Variants in ARHGEF10 observed in about 807,000 individuals in gnomAD.
ARHGEF10 encodes the protein Rho guanine nucleotide exchange factor 10, also known as Rho guanine nucleotide exchange factor (GEF) 10.
In ARHGEF10, 140 loss-of-function variants were observed where a neutral mutation model predicts 147.4. The ratio of observed to expected loss-of-function variants is 0.95; its 90% CI spans 0.83 to 1.09. ARHGEF10 has a LOEUF of 1.09. Ranked by LOEUF, ARHGEF10 falls within the 50% of genes least tolerant of loss-of-function variation. ARHGEF10 has a pLI of 0.00. For missense variants in ARHGEF10, 2,222 were observed against 1,752.7 expected, an observed-to-expected ratio of 1.27 and a Z score of -4.78; for synonymous variants, 902 against 695.8, an observed-to-expected ratio of 1.30 and a Z score of -4.67.
rs779899466 is a variant in ARHGEF10 at position 1,866,554 on chromosome 8, G to T, written c.574G>T (p.Ala192Ser). 26 of 1,609,544 alleles carry T rather than the reference G, an allele frequency of 1.6e-5. No homozygotes were observed. Among genetic ancestry groups the T allele is most frequent in the Non-Finnish European group, 1.9e-5 (23 of 1,179,988 alleles). ...SEDQVGREDS[A>S]LARWAADPAN... ...AGATCAAGTCGGTCGAGAGGACAGCGCACTTGCCCGCTGGGCCGCAGACCC... is the reference window on the plus strand; with the variant it reads ...AGATCAAGTCGGTCGAGAGGACAGCTCACTTGCCCGCTGGGCCGCAGACCC... Residue 192 changes from alanine (A) to serine (S), a missense_variant, in exon 6 of 29, where the codon GCA becomes TCA. Coordinates refer to ENST00000349830, the MANE Select transcript of ARHGEF10 (RefSeq NM_014629.4).
In ARHGEF10 at chr8:1,909,468, C is replaced by A. The variant is rs1440652792; in HGVS notation, c.2141C>A (p.Pro714Gln). 1.2e-5 allele frequency: 20 copies of A among 1,613,974 alleles called. No individual in the cohort carries two copies. Among genetic ancestry groups the A allele is most frequent in the Non-Finnish European group, 1.7e-5 (20 of 1,180,010 alleles). ...CTGGCCGTGGTTGCTAACGCGAAACCAAGTAAGTGATGCTTTCTCTCACGT... is the reference window on the plus strand; with the variant it reads ...CTGGCCGTGGTTGCTAACGCGAAACAAAGTAAGTGATGCTTTCTCTCACGT... ...ESLAVVANAK[P>Q]NKVYMGPGQL... Residue 714 changes from proline to glutamine, a missense_variant and splice_region_variant, in exon 18 of 29, where the codon CCA becomes CAA. By Grantham distance (76) the Pro-to-Gln change is moderately conservative. Transcript: ENST00000349830.
intron 2 of ARHGEF10, among the ~76,000 whole-genome samples, chr8:1,856,734 G>GT (rs1389419788): frequency 6.6e-6 from 1 of 152,196 alleles, no homozygotes; most frequent in Non-Finnish European, 1.5e-5. Context: ...GATTGTCTGT[G>GT]TTGGAGGGGC....
intron 4 of ARHGEF10, among the ~76,000 whole-genome samples, chr8:1,862,341 A>G (rs1806200053): frequency 6.6e-6 from 1 of 152,266 alleles, no homozygotes; most frequent in African/African-American, 2.4e-5. Flanking sequence ...CAGCTGGCCA[A>G]ACTGGGATGA....
chr8:1,832,065 T>A (rs1212493237), intron 1 of ARHGEF10, among the ~76,000 whole-genome samples: 1 of 152,136 alleles, frequency 6.6e-6, no homozygotes, highest in African/African-American at 2.4e-5. Context: ...ACTGTGGGGC[T>A]GGAGGAGCAG....
chr8:1,868,326 C>T (rs552114782), intron 6 of ARHGEF10, among the ~76,000 whole-genome samples: 2 of 152,110 alleles, frequency 1.3e-5, no homozygotes, highest in African/African-American at 4.8e-5. Context: ...GCTGAGGAAG[C>T]GGTTGTCTGT....
chr8:1,942,295 G>C (rs1814161910), intron 26 of ARHGEF10, among the ~76,000 whole-genome samples: 1 of 150,814 alleles, frequency 6.6e-6, no homozygotes, highest in Admixed American at 6.6e-5. Flanking sequence ...TTAAAGGCAA[G>C]GGAACTGAAT....
At chr8:1,943,282 A>G (rs1814257436) in intron 26 of ARHGEF10, among the ~76,000 whole-genome samples, 1 of 152,160 alleles carries the variant, frequency 6.6e-6, no homozygotes, top group Non-Finnish European at 1.5e-5. Flanking sequence ...GGGCTCAATG[A>G]CAGAAGCCAG....
chr8:1,902,393 T>G (rs28485777), intron 15 of ARHGEF10, among the ~76,000 whole-genome samples: 18,984 of 152,278 alleles, frequency 0.12, 1,292 homozygotes, highest in Middle Eastern at 0.18. Context: ...TTGGCAGCAG[T>G]GCGTCATTTT....
intron 26 of ARHGEF10, among the ~76,000 whole-genome samples, chr8:1,939,809 C>T (rs775255616): frequency 6.6e-6 from 1 of 152,146 alleles, no homozygotes; most frequent in Non-Finnish European, 1.5e-5. Context: ...GCTCAGCTCC[C>T]GGGGACTGGG....
intron 4 of ARHGEF10, 107 bp from the exon 5 acceptor site, chr8:1,864,266 C>G (rs368624012): frequency 2.7e-6 from 3 of 1,117,110 alleles, no homozygotes; most frequent in Non-Finnish European, 4.1e-6. Context: ...TAAGATAAGC[C>G]TCTGATTGAT....
chr8:1,886,092 A>G (rs544778685), intron 11 of ARHGEF10, among the ~76,000 whole-genome samples: 1 of 152,284 alleles, frequency 6.6e-6, no homozygotes, highest in East Asian at 1.9e-4. Flanking sequence ...GCTACCTGAG[A>G]CTGAGATGAA....
intron 26 of ARHGEF10, among the ~76,000 whole-genome samples, chr8:1,944,275 C>G (rs969532159): frequency 6.6e-6 from 1 of 152,210 alleles, no homozygotes; most frequent in African/African-American, 2.4e-5. Context: ...GGGACCCCAG[C>G]CCTGCGTGCC....
At chr8:1,844,220 T>C (rs184233974) in intron 2 of ARHGEF10, among the ~76,000 whole-genome samples, 4 of 152,102 alleles carry the variant, frequency 2.6e-5, no homozygotes, top group Non-Finnish European at 4.4e-5. Flanking sequence ...TCTTGGGAGA[T>C]GCTGGGATTT....
intron 1 of ARHGEF10, among the ~76,000 whole-genome samples, chr8:1,838,684 C>T (rs76175967): frequency 2.0e-5 from 3 of 152,246 alleles, no homozygotes; most frequent in East Asian, 1.9e-4. Flanking sequence ...CCATGGGATC[C>T]GATTGTCGGA....
chr8:1,920,344 A>G (rs367579554), intron 18 of ARHGEF10, among the ~76,000 whole-genome samples: 4 of 152,218 alleles, frequency 2.6e-5, no homozygotes, highest in Admixed American at 2.6e-4. Context: ...TAATTTTGAT[A>G]CAAGGCCTTG....
In ARHGEF10 at chr8:1,951,246, G is replaced by A. The variant is rs141447303; in HGVS notation, c.3398-1459G>A. ...TGCTCCCCGTGTTGTAGAGCGGTCA[G>A]CACTTCGGAGCAGCTGGGAATCGCG... On this transcript the variant is annotated intron_variant, in intron 27 of 28. Transcript: ENST00000349830. Among the ~76,000 whole-genome samples, 193 of 152,374 alleles carry A rather than the reference G, an allele frequency of 1.3e-3. 1 individual carries two copies. The highest frequency in any genetic ancestry group is 2.5e-3 in the Non-Finnish European group (170 of 68,034).
chr8:1,885,771 G>T, intron 11 of ARHGEF10, 64 bp downstream of exon 11: 1 of 1,281,570 alleles, frequency 7.8e-7, no homozygotes. Flanking sequence ...TTAAATATTT[G>T]TGTGTTTGAT....
At chr8:1,862,924 G>A (rs559644388) in intron 4 of ARHGEF10, among the ~76,000 whole-genome samples, 4 of 151,408 alleles carry the variant, frequency 2.6e-5, no homozygotes, top group Non-Finnish European at 4.4e-5. Flanking sequence ...GACTACAGGC[G>A]CCCGCCACCA....
chr8:1,840,405 G>A (rs1391710722), intron 1 of ARHGEF10, among the ~76,000 whole-genome samples: 1 of 140,274 alleles, frequency 7.1e-6, no homozygotes, highest in East Asian at 2.3e-4. Context: ...TGTCTGGTGT[G>A]GGGACTGTCT....
Sources: gnomAD v4.1 joint callset for allele counts (sites outside exome capture counted in the v4.1 genomes callset) on GRCh38, gnomAD v4.1.1 for gene constraint, MANE v1.5 for transcripts, NCBI Gene and HGNC (gene_info 2026-07-23, HGNC 2026-07-21) for gene names.